Variants in PARD3B observed in about 807,000 individuals in gnomAD.
PARD3B encodes par-3 family cell polarity regulator beta.
PARD3B carries 103 observed loss-of-function variants against 130.2 expected under a neutral mutation model. The ratio of observed to expected loss-of-function variants is 0.79; its 90% CI spans 0.67 to 0.93. The LOEUF (loss-of-function observed/expected upper bound fraction) is 0.93. Among genes scored for constraint, PARD3B ranks in the 40% least tolerant of loss-of-function variants. PARD3B has a pLI of 0.00. For synonymous variants in PARD3B, 583 were observed against 553.2 expected, an observed-to-expected ratio of 1.05 and a Z score of -0.76; for missense variants, 1,609 against 1,499.2, an observed-to-expected ratio of 1.07 and a Z score of -1.21.
chr2:204,965,262 A>G lies in PARD3B; in HGVS notation c.333A>G (p.Gln111=), dbSNP rs371201139. ...PDAFETEVAA[Q]LAAFKPIGGE... ...CTTTTGAGACAGAAGTGGCCGCCCA[A>G]CTGGCCGCATTTAAGCCAATTGGTG... The change falls in exon 3 of 23, where the codon CAA becomes CAG. Residue 111 remains glutamine (Q), a synonymous_variant. Transcript: ENST00000406610. The G allele has an allele frequency of 1.4e-4, 220 of 1,613,898 alleles. No homozygotes were observed. The highest frequency in any genetic ancestry group is 3.0e-4 in the Admixed American group (18 of 59,986).
intron 2 of PARD3B, among the ~76,000 whole-genome samples, chr2:204,853,113 A>AT (rs59007837): frequency 7.3e-5 from 11 of 151,214 alleles, no homozygotes; most frequent in African/African-American, 2.7e-4. Context: ...CCTTATAACT[A>AT]TTTTTTTAAT....
intron 20 of PARD3B, among the ~76,000 whole-genome samples, chr2:205,448,539 GC>G (rs1306229748): frequency 1.3e-5 from 2 of 152,144 alleles, no homozygotes; most frequent in Non-Finnish European, 2.9e-5. Context: ...GTTAGGGTTA[GC>G]CCATTGTTGT....
At chr2:204,859,969 A>C (rs978916338) in intron 2 of PARD3B, among the ~76,000 whole-genome samples, 1 of 152,222 alleles carries the variant, frequency 6.6e-6, no homozygotes, top group Admixed American at 6.5e-5. Context: ...AGTGCAGCAT[A>C]AAGTTAGTAT....
At chr2:204,792,643 CACT>C (rs1222854074) in intron 2 of PARD3B, among the ~76,000 whole-genome samples, 1 of 152,074 alleles carries the variant, frequency 6.6e-6, no homozygotes, top group Non-Finnish European at 1.5e-5. Flanking sequence ...CAGATTTCAA[CACT>C]ACCACCAACA....
At position 205,125,685 on chromosome 2, in the gene PARD3B, C is replaced by T; in HGVS notation, c.1382C>T (p.Thr461Ile). ...CTCAGGAGCACCAAGCAGGGGGAGA[C>T]AGCATCGCTGGTCATTGCCCGCCAA... ...AMLRSTKQGE[T>I]ASLVIARQEG... Residue 461 changes from threonine (T) to isoleucine (I), a missense_variant, in exon 10 of 23, where the codon ACA (threonine) becomes ATA (isoleucine). By Grantham distance (89) the Thr-to-Ile change is moderately conservative. Transcript: ENST00000406610. The surrounding 1 kb of genome is among the most constrained non-coding windows in gnomAD (Gnocchi z 4.0). 1 of 1,614,112 alleles carries T rather than the reference C, an allele frequency of 6.2e-7. No homozygotes were observed. The highest frequency in any genetic ancestry group is 8.5e-7 in the Non-Finnish European group (1 of 1,180,016).
chr2:204,930,540 C>A lies in PARD3B; in HGVS notation c.223-34612C>A, dbSNP rs145573453. Among the ~76,000 whole-genome samples, 1,374 of 152,130 alleles carry A rather than the reference C, an allele frequency of 9.0e-3. 22 individuals are homozygous for A. Among genetic ancestry groups the A allele is most frequent in the African/African-American group, 0.031 (1,279 of 41,544 alleles). On this transcript the variant is annotated intron_variant, in intron 2 of 22. Coordinates refer to ENST00000406610, the MANE Select transcript of PARD3B (RefSeq NM_001302769.2). Reference sequence around the variant, plus strand: ...GCTGACTATATTTTGTACTCACTAACACCAATTTCGTTACCATCTACTAGT... The same window carrying A: ...GCTGACTATATTTTGTACTCACTAAAACCAATTTCGTTACCATCTACTAGT...
intron 3 of PARD3B, among the ~76,000 whole-genome samples, chr2:204,988,306 G>A (rs1237901005): frequency 6.6e-6 from 1 of 152,152 alleles, no homozygotes; most frequent in Non-Finnish European, 1.5e-5. Flanking sequence ...TGAACTCATG[G>A]ACATAGAGAG....
chr2:205,485,984 C>G (rs558248656), intron 20 of PARD3B, among the ~76,000 whole-genome samples: 2 of 152,274 alleles, frequency 1.3e-5, no homozygotes, highest in Admixed American at 1.3e-4. Context: ...ATCTGTGTCT[C>G]CCCAACTAGA....
intron 1 of PARD3B, among the ~76,000 whole-genome samples, chr2:204,603,449 T>A (rs1450634693): frequency 6.6e-6 from 1 of 152,278 alleles, no homozygotes; most frequent in East Asian, 1.9e-4. Context: ...AGTTAAGTAC[T>A]GAGAAGTAAA....
At chr2:205,514,119 A>G (rs1405395640) in intron 21 of PARD3B, among the ~76,000 whole-genome samples, 1 of 152,124 alleles carries the variant, frequency 6.6e-6, no homozygotes, top group African/African-American at 2.4e-5. Context: ...TCTGCATCAC[A>G]CTGTCCCAAT....
chr2:204,559,661 C>T (rs1360999153), intron 1 of PARD3B, among the ~76,000 whole-genome samples: 3 of 152,188 alleles, frequency 2.0e-5, no homozygotes, highest in Non-Finnish European at 4.4e-5. Context: ...CTAGAAATAT[C>T]ATTTGACCCA....
At chr2:205,210,298 C>T (rs1416665042) in intron 15 of PARD3B, among the ~76,000 whole-genome samples, 2 of 151,846 alleles carry the variant, frequency 1.3e-5, no homozygotes, top group African/African-American at 4.8e-5. Flanking sequence ...TATATACCTA[C>T]CTGTGTTCTT....
chr2:204,583,756 C>G (rs2032695531), intron 1 of PARD3B, among the ~76,000 whole-genome samples: 1 of 152,090 alleles, frequency 6.6e-6, no homozygotes, highest in Non-Finnish European at 1.5e-5. Flanking sequence ...CACTACAGAC[C>G]CACAGAATCA....
chr2:205,054,188 T>G (rs1474100992), intron 4 of PARD3B, among the ~76,000 whole-genome samples: 1 of 151,496 alleles, frequency 6.6e-6, no homozygotes, highest in East Asian at 1.9e-4. Context: ...CAGCAGAGTT[T>G]TTCACCATAT....
rs1236659778 is a variant in PARD3B, at chr2:205,564,239, G to A, written c.3260+10836G>A. On this transcript the variant is annotated intron_variant, in intron 22 of 22. Transcript: ENST00000406610. The surrounding 1 kb of genome is among the most constrained non-coding windows in gnomAD (Gnocchi z 4.6). Reference sequence around the variant, plus strand: ...TAAACAGGTAGGAGAGACACATTACGTGACCATCCTTTCCTGAGGCAGCCC... The same window carrying A: ...TAAACAGGTAGGAGAGACACATTACATGACCATCCTTTCCTGAGGCAGCCC... Among the ~76,000 whole-genome samples the A allele has an allele frequency of 3.3e-5, 5 of 152,120 alleles. No homozygotes were observed. Among genetic ancestry groups the A allele is most frequent in the African/African-American group, 4.8e-5 (2 of 41,420 alleles).
chr2:205,156,176 A>G (rs2034119873), intron 10 of PARD3B, among the ~76,000 whole-genome samples: 2 of 144,792 alleles, frequency 1.4e-5, no homozygotes, highest in South Asian at 2.2e-4. Flanking sequence ...AAAACCAAAC[A>G]CCACATGTTC....
chr2:205,250,475 T>C (rs72940324), intron 16 of PARD3B, among the ~76,000 whole-genome samples: 9,681 of 152,234 alleles, frequency 0.064, 494 homozygotes, highest in East Asian at 0.26. Flanking sequence ...TGTGTGAAAG[T>C]AATGGTTGGC....
At chr2:204,611,412 C>T (rs568485942) in intron 1 of PARD3B, among the ~76,000 whole-genome samples, 75 of 152,280 alleles carry the variant, frequency 4.9e-4, no homozygotes, top group Admixed American at 1.7e-3. Flanking sequence ...GGACTTCTAC[C>T]TTTTATCTCG....
Position 205,397,674 on chromosome 2 carries a change from G to A in PARD3B, c.2631-3339G>A, listed in dbSNP as rs1275395012. ...GGACATGGAAAAAAAAGAAAAGCCTGATACCTGTAAAGCTTTTGGCAAAAT... is the reference window on the plus strand; with the variant it reads ...GGACATGGAAAAAAAAGAAAAGCCTAATACCTGTAAAGCTTTTGGCAAAAT... On this transcript the variant is annotated intron_variant, in intron 18 of 22. Coordinates refer to ENST00000406610, the MANE Select transcript of PARD3B (RefSeq NM_001302769.2). The surrounding 1 kb of genome is among the most constrained non-coding windows in gnomAD (Gnocchi z 4.8). Among the ~76,000 whole-genome samples, 2 of 152,110 alleles carry A rather than the reference G, an allele frequency of 1.3e-5. No individual in the cohort carries two copies. The highest frequency in any genetic ancestry group is 4.8e-5 in the African/African-American group (2 of 41,422).
Sources: allele counts gnomAD v4.1 joint callset (sites outside exome capture counted in the v4.1 genomes callset), GRCh38; gene constraint gnomAD v4.1.1; non-coding constraint Gnocchi (gnomAD v3.1); transcripts MANE v1.5; gene names NCBI Gene and HGNC (gene_info 2026-07-23, HGNC 2026-07-21).